EXTL3: variants seen among roughly 807,000 people sequenced by gnomAD.
EXTL3 encodes exostosin like glycosyltransferase 3, also known as exostosin-like 3.
EXTL3 carries 27 observed loss-of-function variants against 69.3 expected under a neutral mutation model. That is an observed-to-expected ratio of 0.39 (90% CI 0.29 to 0.54). The LOEUF (loss-of-function observed/expected upper bound fraction) is 0.54. EXTL3 is among the 20% of genes least tolerant of loss of function. The probability of loss-of-function intolerance (pLI) is 0.69; values close to 1 mark genes in which losing one functional copy is unlikely to be tolerated. For missense variants in EXTL3, 1,003 were observed against 1,231.8 expected (o/e 0.81, Z 2.78); for synonymous variants, 511 against 499.4 (o/e 1.02, Z -0.31).
intron 1 of EXTL3, among the ~76,000 whole-genome samples, chr8:28,674,070 C>T (rs1046458102): frequency 1.1e-4 from 11 of 103,182 alleles, no homozygotes; most frequent in Non-Finnish European, 2.1e-4. Flanking sequence ...TATATGATAC[C>T]TTTTGTTTGT....
chr8:28,717,535 G>C lies in EXTL3; in HGVS notation c.1476G>C (p.Glu492Asp). 6.2e-7 allele frequency: 1 copy of C among 1,614,256 alleles called. No homozygotes were observed. Among genetic ancestry groups the C allele is most frequent in the Non-Finnish European group, 8.5e-7 (1 of 1,180,040 alleles). ...TGGTGCCAAAGCCTCGTGTTACCGAGGTTCATTTCCTGCTCAGAAGCCTCT... is the reference window on the plus strand; with the variant it reads ...TGGTGCCAAAGCCTCGTGTTACCGACGTTCATTTCCTGCTCAGAAGCCTCT... ...ALVVPKPRVTEVHFLLRSLSD... is the reference protein window; with the variant it reads ...ALVVPKPRVTDVHFLLRSLSD... The change falls in exon 3 of 7, where the codon GAG becomes GAC. Residue 492 changes from glutamate to aspartate, a missense_variant. Glu to Asp is a conservative substitution (Grantham distance 45). Transcript: ENST00000220562. The surrounding 1 kb of genome is among the most constrained non-coding windows in gnomAD (Gnocchi z 8.3).
In EXTL3 at chr8:28,610,532, G is replaced by A. The variant is rs926989225; in HGVS notation, n.314+2774G>A. Reference sequence around the variant, plus strand: ...TCCCAGAGCCCAGGCACTGAGGACCGGCTCTGATTCCAGGAACCAAAACAA... The same window carrying A: ...TCCCAGAGCCCAGGCACTGAGGACCAGCTCTGATTCCAGGAACCAAAACAA... On this transcript the variant is annotated intron_variant and non_coding_transcript_variant, in intron 2 of 4. Transcript: ENST00000522725. Among the ~76,000 whole-genome samples the A allele has an allele frequency of 8.3e-4, 126 of 152,076 alleles. 3 individuals are homozygous for A. The highest frequency in any genetic ancestry group is 1.2e-4 in the Non-Finnish European group (8 of 68,028).
intron 1 of EXTL3, among the ~76,000 whole-genome samples, chr8:28,656,389 C>G (rs1807012096): frequency 6.6e-6 from 1 of 152,138 alleles, no homozygotes; most frequent in African/African-American, 2.4e-5. Flanking sequence ...TTTTAAACTC[C>G]TGACCTCAAG....
In EXTL3 at chr8:28,678,901, A is replaced by G. The variant is rs190510847; in HGVS notation, c.-52-34556A>G. On this transcript the variant is annotated intron_variant, in intron 1 of 6. Coordinates refer to the EXTL3 transcript ENST00000523149. ...TGGGCTGCCCTCCTGCACTGTGTGTAGTGGAAGTGATAAAACAAATACCAG... is the reference window on the plus strand; with the variant it reads ...TGGGCTGCCCTCCTGCACTGTGTGTGGTGGAAGTGATAAAACAAATACCAG... Among the ~76,000 whole-genome samples, 214 of 152,284 alleles carry G rather than the reference A, an allele frequency of 1.4e-3. 4 individuals are homozygous for G. The highest frequency in any genetic ancestry group is 2.6e-4 in the Non-Finnish European group (18 of 68,024).
chr8:28,740,952 T>TC (rs1801766099), intron 5 of EXTL3: 1 of 151,834 alleles, frequency 6.6e-6, no homozygotes, highest in South Asian at 2.1e-4. Flanking sequence ...AAATTAAACT[T>TC]TTTTTTTTCT....
At chr8:28,641,638 A>C (rs537811094) in intron 1 of EXTL3, among the ~76,000 whole-genome samples, 1 of 150,654 alleles carries the variant, frequency 6.6e-6, no homozygotes, top group African/African-American at 2.4e-5. Context: ...CACCACGCCT[A>C]ATTTTTGTAT....
At chr8:28,629,961 C>T (rs1021733107) in intron 1 of EXTL3, among the ~76,000 whole-genome samples, 15 of 152,098 alleles carry the variant, frequency 9.9e-5, no homozygotes, top group African/African-American at 3.4e-4. Flanking sequence ...TTTCCTGGGA[C>T]GACATCCCAA....
chr8:28,670,925 T>C (rs1401824311), intron 1 of EXTL3, among the ~76,000 whole-genome samples: 2 of 152,040 alleles, frequency 1.3e-5, no homozygotes, highest in Admixed American at 6.6e-5. Flanking sequence ...GAGAATAGAA[T>C]GAGAGCAAAT....
chr8:28,676,492 T>C (rs1035565254), intron 1 of EXTL3, among the ~76,000 whole-genome samples: 1 of 152,130 alleles, frequency 6.6e-6, no homozygotes, highest in African/African-American at 2.4e-5. Flanking sequence ...CTAAGTTGGT[T>C]TTAGACATAG....
intron 1 of EXTL3, among the ~76,000 whole-genome samples, chr8:28,648,795 G>A (rs1006037267): frequency 6.6e-6 from 1 of 152,054 alleles, no homozygotes; most frequent in Non-Finnish European, 1.5e-5. Context: ...TGCCCAGGCT[G>A]GACTCAAACT....
chr8:28,756,446 T>C (rs1802123172), downstream of EXTL3, among the ~76,000 whole-genome samples: 1 of 152,252 alleles, frequency 6.6e-6, no homozygotes, highest in Admixed American at 6.5e-5. Context: ...ATTAGTTACT[T>C]TTTATTGCTT....
chr8:28,736,625 T>C (rs1184002458), intron 4 of EXTL3, among the ~76,000 whole-genome samples: 1 of 152,242 alleles, frequency 6.6e-6, no homozygotes, highest in Admixed American at 6.5e-5. Flanking sequence ...TGCTCAAATT[T>C]GGAATTAGGA....
intron 1 of EXTL3, among the ~76,000 whole-genome samples, chr8:28,636,266 A>G (rs960393898): frequency 6.8e-6 from 1 of 148,076 alleles, no homozygotes; most frequent in Non-Finnish European, 1.5e-5. Flanking sequence ...CAGGAGGCGG[A>G]GGTTGCAGTG....
chr8:28,723,640 GTTT>G (rs34831917), intron 3 of EXTL3, among the ~76,000 whole-genome samples: 2 of 120,918 alleles, frequency 1.7e-5, no homozygotes. Flanking sequence ...GCTCAGGACT[GTTT>G]TTTTTTTTTT....
intron 1 of EXTL3, among the ~76,000 whole-genome samples, chr8:28,708,138 C>G (rs545269486): frequency 1.3e-5 from 2 of 152,308 alleles, no homozygotes; most frequent in Non-Finnish European, 2.9e-5. Context: ...TTTCAAACAG[C>G]CCTGTAATAA....
intron 5 of EXTL3, among the ~76,000 whole-genome samples, chr8:28,739,234 C>A (rs1252006855): frequency 6.6e-6 from 1 of 152,224 alleles, no homozygotes; most frequent in Non-Finnish European, 1.5e-5. Flanking sequence ...CTCTCCCTAG[C>A]TCCTTGAAGT....
Position 28,641,121 on chromosome 8 carries a change from A to T in EXTL3, c.-53+18311A>T, listed in dbSNP as rs575217144. 5.3e-5 allele frequency among the ~76,000 whole-genome samples: 8 copies of T among 152,308 alleles called. No homozygotes were observed. In the East Asian group the frequency reaches 1.4e-3, roughly 26 times the overall value. On this transcript the variant is annotated intron_variant, in intron 1 of 6. Coordinates refer to the EXTL3 transcript ENST00000523149. ...CACGGGTCGGGTTAATACCTAACACATTGCTCACAAAGAGCCAGATATTAC... is the reference window on the plus strand; with the variant it reads ...CACGGGTCGGGTTAATACCTAACACTTTGCTCACAAAGAGCCAGATATTAC...
At chr8:28,675,166 C>T (rs914466588) in intron 1 of EXTL3, among the ~76,000 whole-genome samples, 2 of 152,084 alleles carry the variant, frequency 1.3e-5, no homozygotes, top group Non-Finnish European at 2.9e-5. Flanking sequence ...GGGAGAGGCA[C>T]CAAACAGTCC....
intron 1 of EXTL3, among the ~76,000 whole-genome samples, chr8:28,667,870 AAAG>A (rs1271729378): frequency 3.3e-5 from 5 of 152,140 alleles, no homozygotes; most frequent in African/African-American, 1.2e-4. Context: ...AAAAAAAAAA[AAAG>A]AATATTTTCT....
Sources: gnomAD v4.1 joint callset for allele counts (sites outside exome capture counted in the v4.1 genomes callset) on GRCh38, gnomAD v4.1.1 for gene constraint, Gnocchi (gnomAD v3.1) non-coding constraint, MANE v1.5 for transcripts, NCBI Gene and HGNC (gene_info 2026-07-23, HGNC 2026-07-21) for gene names.